The following DLGAP2 variants were observed in gnomAD, a reference collection of about 807,000 sequenced individuals.
The protein encoded by DLGAP2 is DLG associated protein 2.
Under a neutral mutation model 100.3 loss-of-function variants are expected in DLGAP2, and 26 were observed. The ratio of observed to expected loss-of-function variants is 0.26; its 90% CI spans 0.19 to 0.36. The LOEUF (loss-of-function observed/expected upper bound fraction) is 0.36. DLGAP2 is among the 10% of genes least tolerant of loss of function. The probability of loss-of-function intolerance (pLI) is 1.00; values close to 1 mark genes in which losing one functional copy is unlikely to be tolerated. For synonymous variants in DLGAP2, 886 were observed against 630.1 expected (o/e 1.41, Z -6.08); for missense variants, 1,858 against 1,453.2 (o/e 1.28, Z -4.53).
chr8:1,288,741 G>A (rs1007319018), intron 3 of DLGAP2, among the ~76,000 whole-genome samples: 5,527 of 148,390 alleles, frequency 0.037, 151 homozygotes, highest in South Asian at 0.13. Context: ...GTGTGTGTGC[G>A]TGGTTGTTAG....
chr8:1,577,893 G>A (rs562451643), intron 6 of DLGAP2, among the ~76,000 whole-genome samples: 7 of 152,336 alleles, frequency 4.6e-5, no homozygotes, highest in Admixed American at 3.3e-4. Flanking sequence ...CGGTGCCTCC[G>A]AGGTGCCACT....
chr8:926,567 G>A (rs570930655), intron 2 of DLGAP2, among the ~76,000 whole-genome samples: 1 of 152,344 alleles, frequency 6.6e-6, no homozygotes, highest in East Asian at 1.9e-4. Flanking sequence ...AGGGCACAGT[G>A]GGCTCTGCTC....
intron 2 of DLGAP2, among the ~76,000 whole-genome samples, chr8:914,609 C>A (rs954860147): frequency 7.2e-5 from 11 of 152,166 alleles, no homozygotes; most frequent in Non-Finnish European, 4.4e-5. Flanking sequence ...CGTTCTGGGC[C>A]GGGCACTTCT....
At chr8:828,321 C>G (rs1348884524) in intron 1 of DLGAP2, among the ~76,000 whole-genome samples, 2 of 152,088 alleles carry the variant, frequency 1.3e-5, no homozygotes, top group Non-Finnish European at 2.9e-5. Flanking sequence ...GACAGGTACG[C>G]CCCGGGGGGG....
At position 1,233,952 on chromosome 8, in the gene DLGAP2, C is replaced by T. The variant is rs78613460; in HGVS notation, c.74-24899C>T. Among the ~76,000 whole-genome samples the T allele has an allele frequency of 7.2e-3, 1,097 of 152,146 alleles. 4 individuals are homozygous for T. Among genetic ancestry groups the T allele is most frequent in the South Asian group, 0.024 (115 of 4,812 alleles). On this transcript the variant is annotated intron_variant, in intron 2 of 14. Transcript: ENST00000637795. ...CAAAAGGACTTAAGGTGTCCTAGGA[C>T]GGGGTTTGACCAGGTGGTCAATAGG...
At chr8:805,818 G>A (rs957012702) in intron 1 of DLGAP2, among the ~76,000 whole-genome samples, 7 of 152,160 alleles carry the variant, frequency 4.6e-5, no homozygotes, top group South Asian at 2.1e-4. Flanking sequence ...GCCACCGCAC[G>A]CAGCCTGCGC....
intron 4 of DLGAP2, among the ~76,000 whole-genome samples, chr8:1,521,674 G>A (rs111570686): frequency 3.3e-5 from 1 of 30,614 alleles, no homozygotes; most frequent in African/African-American, 7.9e-5. Flanking sequence ...ATACTCGGGC[G>A]GCAGGTGATA....
chr8:1,225,637 C>G (rs531925408), intron 2 of DLGAP2, among the ~76,000 whole-genome samples: 4 of 152,270 alleles, frequency 2.6e-5, no homozygotes, highest in South Asian at 2.1e-4. Flanking sequence ...CACTTTTAAG[C>G]CAATAAATTT....
intron 2 of DLGAP2, among the ~76,000 whole-genome samples, chr8:956,191 G>A (rs1234331507): frequency 1.3e-5 from 2 of 152,108 alleles, no homozygotes; most frequent in Non-Finnish European, 2.9e-5. Context: ...TATTTCTCAC[G>A]GGCTTCACTT....
intron 6 of DLGAP2, among the ~76,000 whole-genome samples, chr8:1,574,272 A>G (rs1802874617): frequency 6.6e-6 from 1 of 152,168 alleles, no homozygotes; most frequent in Non-Finnish European, 1.5e-5. Flanking sequence ...GTAACGTGAG[A>G]CAGGAGAGCA....
chr8:910,721 G>C (rs1210294457), intron 2 of DLGAP2: 1 of 152,254 alleles, frequency 6.6e-6, no homozygotes, highest in Non-Finnish European at 1.5e-5. Flanking sequence ...ACTCAGGGAA[G>C]AGTGGACGTC....
intron 6 of DLGAP2, among the ~76,000 whole-genome samples, chr8:1,570,956 GA>G (rs1802637551): frequency 6.9e-6 from 1 of 144,000 alleles, no homozygotes; most frequent in Non-Finnish European, 1.5e-5. Context: ...ATGAGATGGA[GA>G]GGAGAGAGGG....
At chr8:1,334,618 A>C (rs1050293153) in intron 3 of DLGAP2, among the ~76,000 whole-genome samples, 1 of 151,872 alleles carries the variant, frequency 6.6e-6, no homozygotes, top group Non-Finnish European at 1.5e-5. Flanking sequence ...ACATGCACCC[A>C]CCGTGGGCCA....
chr8:1,439,596 C>CT (rs1256541790), intron 3 of DLGAP2, among the ~76,000 whole-genome samples: 2 of 152,148 alleles, frequency 1.3e-5, no homozygotes, highest in Admixed American at 1.3e-4. Context: ...ACTTTCCTTC[C>CT]TTTTTTTCTA....
intron 12 of DLGAP2, among the ~76,000 whole-genome samples, chr8:1,685,310 A>G (rs1329303913): frequency 6.6e-6 from 1 of 152,242 alleles, no homozygotes; most frequent in African/African-American, 2.4e-5. Context: ...CCCAGGTGGT[A>G]TCAGACCAAC....
intron 1 of DLGAP2, among the ~76,000 whole-genome samples, chr8:807,054 G>A (rs960895174): frequency 2.6e-5 from 4 of 152,182 alleles, no homozygotes; most frequent in African/African-American, 9.7e-5. Context: ...TTGACTGAAA[G>A]ACTTTCAGCC....
At chr8:1,684,566 C>A (rs1305328796) in intron 12 of DLGAP2, among the ~76,000 whole-genome samples, 1 of 151,964 alleles carries the variant, frequency 6.6e-6, no homozygotes, top group Non-Finnish European at 1.5e-5. Context: ...CACAGTTCCC[C>A]GAACTGATTG....
chr8:1,519,991 C>G lies in DLGAP2; in HGVS notation c.172+18560C>G, dbSNP rs1800531024. 2.6e-5 allele frequency among the ~76,000 whole-genome samples: 4 copies of G among 152,218 alleles called. No homozygotes were observed. The South Asian group carries it at 6.2e-4, about 24-fold the overall frequency. ...CTGCAGGAGGAGGAGGAGCTCCCAG[C>G]TGCTTCGCAGGAGCAGGAGGTGTGG... On this transcript the variant is annotated intron_variant, in intron 4 of 14. Transcript: ENST00000637795.
chr8:1,265,753 A>T (rs1326974903), intron 3 of DLGAP2, among the ~76,000 whole-genome samples: 1 of 152,232 alleles, frequency 6.6e-6, no homozygotes, highest in Non-Finnish European at 1.5e-5. Flanking sequence ...GTCAATACTG[A>T]TGCCAGATGA....
Sources: gnomAD v4.1 joint callset for allele counts (sites outside exome capture counted in the v4.1 genomes callset) on GRCh38, gnomAD v4.1.1 for gene constraint, MANE v1.5 for transcripts, NCBI Gene and HGNC (gene_info 2026-07-23, HGNC 2026-07-21) for gene names.